SPTBN1: variants seen among roughly 807,000 people sequenced by gnomAD.
The protein encoded by SPTBN1 is spectrin beta, non-erythrocytic 1, also known as spectrin beta chain, non-erythrocytic 1.
Under a neutral mutation model 266.4 loss-of-function variants are expected in SPTBN1, and 32 were observed. The observed-to-expected ratio is 0.12, with a 90% confidence interval of 0.09 to 0.16. The LOEUF (loss-of-function observed/expected upper bound fraction) is 0.16. Ranked by LOEUF, SPTBN1 falls within the 10% of genes least tolerant of loss-of-function variation. SPTBN1 has a pLI of 1.00. For synonymous variants in SPTBN1, 1,336 were observed against 1,162.2 expected (o/e 1.15, Z -3.04); for missense variants, 2,296 against 3,067.1 (o/e 0.75, Z 5.94).
rs775406676 is a variant in SPTBN1 at position 54,629,333 on chromosome 2, G to C, written c.2199G>C (p.Ser733=). ...AGTGGGCCAACCTAGAGCAGCTCTCGGCCATTCGGAAGAAGCGCCTGGAGG... is the reference window on the plus strand; with the variant it reads ...AGTGGGCCAACCTAGAGCAGCTCTCCGCCATTCGGAAGAAGCGCCTGGAGG... ...REQWANLEQL[S]AIRKKRLEEA... Residue 733 remains serine (S), a synonymous_variant, in exon 14 of 36, where the codon TCG becomes TCC. Coordinates refer to ENST00000356805, the MANE Select transcript of SPTBN1 (RefSeq NM_003128.3). 2 of 1,614,002 alleles carry C rather than the reference G, an allele frequency of 1.2e-6. No homozygotes were observed. Among genetic ancestry groups the C allele is most frequent in the Admixed American group, 1.7e-5 (1 of 60,028 alleles).
chr2:54,638,786 G>A (rs1199455970), intron 18 of SPTBN1, among the ~76,000 whole-genome samples: 4 of 151,714 alleles, frequency 2.6e-5, no homozygotes, highest in Admixed American at 2.0e-4. Context: ...GGGGCTAAGA[G>A]TATGGGGGTA....
In SPTBN1 at chr2:54,581,953, C is replaced by G. The variant is rs78655217; in HGVS notation, c.149-17139C>G. Among the ~76,000 whole-genome samples the G allele has an allele frequency of 7.7e-3, 1,171 of 152,254 alleles. 10 individuals are homozygous for G. The highest frequency in any genetic ancestry group is 0.06 in the South Asian group (287 of 4,806). ...CAACAGGCACTTCATTCTTCTGTAGCTGCAGACATGCTGCTCTGTGGTTTG... is the reference window on the plus strand; with the variant it reads ...CAACAGGCACTTCATTCTTCTGTAGGTGCAGACATGCTGCTCTGTGGTTTG... On this transcript the variant is annotated intron_variant, in intron 2 of 35. Transcript: ENST00000356805.
chr2:54,666,829 C>A (rs1681403069), intron 34 of SPTBN1, among the ~76,000 whole-genome samples: 1 of 152,248 alleles, frequency 6.6e-6, no homozygotes. Flanking sequence ...AGGCCCAGGG[C>A]TCCAGAGGAG....
intron 1 of SPTBN1, among the ~76,000 whole-genome samples, chr2:54,492,608 TGGG>T (rs1430997317): frequency 6.6e-6 from 1 of 152,170 alleles, no homozygotes; most frequent in Non-Finnish European, 1.5e-5. Context: ...ACATTTTATA[TGGG>T]GTTTGGTTTT....
intron 2 of SPTBN1, among the ~76,000 whole-genome samples, chr2:54,552,721 C>T (rs539708937): frequency 6.6e-6 from 1 of 152,202 alleles, no homozygotes; most frequent in African/African-American, 2.4e-5. Context: ...TCCCAAAGTG[C>T]TGGGATTACA....
intron 1 of SPTBN1, among the ~76,000 whole-genome samples, chr2:54,491,016 G>A (rs1262211418): frequency 6.6e-6 from 1 of 152,194 alleles, no homozygotes; most frequent in Non-Finnish European, 1.5e-5. Flanking sequence ...AGTCAAGCTT[G>A]TGTGTTCTTC....
chr2:54,632,823 C>A, intron 17 of SPTBN1, 55 bp downstream of exon 17: 1 of 1,584,650 alleles, frequency 6.3e-7, no homozygotes, highest in South Asian at 1.1e-5. Context: ...TCTCAAACTT[C>A]TGAATCATTG....
chr2:54,551,984 G>A (rs1334518322), intron 2 of SPTBN1, among the ~76,000 whole-genome samples: 1 of 152,152 alleles, frequency 6.6e-6, no homozygotes, highest in African/African-American at 2.4e-5. Context: ...TATAAAATGT[G>A]ATTCTGAGTA....
chr2:54,471,801 T>A (rs1208121628), intron 1 of SPTBN1, among the ~76,000 whole-genome samples: 1 of 3,620 alleles, frequency 2.8e-4, no homozygotes, highest in Non-Finnish European at 5.8e-4. Context: ...TTTTTATCGA[T>A]TTTTTTTTTT....
At chr2:54,609,845 A>G (rs1447445710) in intron 3 of SPTBN1, among the ~76,000 whole-genome samples, 2 of 152,008 alleles carry the variant, frequency 1.3e-5, no homozygotes, top group African/African-American at 2.4e-5. Context: ...TTTTTGTACA[A>G]CCAGAAGACT....
chr2:54,595,324 A>G (rs944493169), intron 2 of SPTBN1, among the ~76,000 whole-genome samples: 1 of 152,084 alleles, frequency 6.6e-6, no homozygotes, highest in African/African-American at 2.4e-5. Context: ...GGGCAAATAT[A>G]GCTGAGAGAT....
At chr2:54,539,690 C>T (rs961060987) in intron 2 of SPTBN1, among the ~76,000 whole-genome samples, 6 of 152,264 alleles carry the variant, frequency 3.9e-5, no homozygotes, top group Middle Eastern at 3.4e-3. Context: ...CAGGCACACA[C>T]CACCATGCCC....
At chr2:54,595,426 G>A (rs1452487258) in intron 2 of SPTBN1, among the ~76,000 whole-genome samples, 3 of 152,212 alleles carry the variant, frequency 2.0e-5, no homozygotes, top group East Asian at 1.9e-4. Context: ...CTACTGAAAG[G>A]TTTAGCTGCG....
At chr2:54,519,835 G>A (rs1367338635) in intron 1 of SPTBN1, among the ~76,000 whole-genome samples, 2 of 152,138 alleles carry the variant, frequency 1.3e-5, no homozygotes, top group Non-Finnish European at 2.9e-5. Context: ...TTTTCAGGAG[G>A]TACGAGTTAC....
In SPTBN1 at chr2:54,646,546, G is replaced by T; in HGVS notation, c.4866+71G>T. ...TCAAACCCTGGGCACACTTTCTGCT[G>T]GCGGCTCTGTCTGTATAAAAACTTC... is the stretch of plus-strand genomic sequence containing the variant. On this transcript the variant is annotated intron_variant, in intron 23 of 35. Transcript: ENST00000356805. The surrounding 1 kb of genome is among the most constrained non-coding windows in gnomAD (Gnocchi z 4.4). 3 of 1,421,950 alleles carry T rather than the reference G, an allele frequency of 2.1e-6. No homozygotes were observed. The highest frequency in any genetic ancestry group is 3.4e-5 in the South Asian group (2 of 59,674). 88.1% of individuals were successfully genotyped at this position (1,421,950 alleles called of 1,614,324 possible). A position where few individuals can be genotyped will look rare whatever the true frequency, so the allele number is the denominator to read the frequency against.
rs1281248920 is a variant in SPTBN1, at chr2:54,624,856, A to G, written c.1235A>G (p.Asn412Ser). ...AEHERELALR[N>S]ELIRQEKLEQ... ...CACGAAAGAGAACTGGCTTTGCGGA[A>G]TGAGCTCATAAGACAGGAGAAACTG... Residue 412 changes from asparagine (N) to serine (S), a missense_variant, in exon 11 of 36, where the codon AAT (asparagine) becomes AGT (serine). Around this residue, in one of 12 missense-constraint regions of SPTBN1, gnomAD observed 148 missense variants for 203.8 expected, o/e 0.73. Transcript: ENST00000356805. 6.2e-7 allele frequency: 1 copy of G among 1,614,036 alleles called. No homozygotes were observed. The highest frequency in any genetic ancestry group is 8.5e-7 in the Non-Finnish European group (1 of 1,179,946).
intron 1 of SPTBN1, chr2:54,516,251 T>C (rs1049920810): frequency 2.6e-5 from 4 of 152,130 alleles, no homozygotes; most frequent in Admixed American, 1.3e-4. Flanking sequence ...TTTATTCACC[T>C]GTAAAATAGG....
intron 1 of SPTBN1, among the ~76,000 whole-genome samples, chr2:54,476,361 A>G (rs1007728887): frequency 2.6e-5 from 4 of 152,240 alleles, no homozygotes; most frequent in Non-Finnish European, 4.4e-5. Context: ...CTAAACATAG[A>G]TAACAGAGTA....
rs142254768 is a variant in SPTBN1, at chr2:54,649,081, A to G, written c.5093A>G (p.His1698Arg). Reference protein sequence around the residue: ...EERRGKLDERHRLFQLNREVD... With the variant: ...EERRGKLDERRRLFQLNREVD... Reference sequence around the variant, plus strand: ...AGAAGAGGCAAGCTGGATGAGAGACACAGGTTATTCCAGCTCAACCGGGAG... The same window carrying G: ...AGAAGAGGCAAGCTGGATGAGAGACGCAGGTTATTCCAGCTCAACCGGGAG... Residue 1698 changes from histidine to arginine, a missense_variant, in exon 25 of 36, where the codon CAC becomes CGC. Physicochemically the swap from His to Arg is conservative, Grantham distance 29. This residue lies in a region of SPTBN1 where 644 missense variants were observed against 745.3 expected (regional missense o/e 0.86). Coordinates refer to ENST00000356805, the MANE Select transcript of SPTBN1 (RefSeq NM_003128.3). The surrounding 1 kb of genome is among the most constrained non-coding windows in gnomAD (Gnocchi z 6.7). The G allele has an allele frequency of 1.9e-6, 3 of 1,614,106 alleles. No individual in the cohort carries two copies. The East Asian group carries it at 6.7e-5, about 36-fold the overall frequency.
Sources: gnomAD v4.1 joint callset for allele counts (sites outside exome capture counted in the v4.1 genomes callset) on GRCh38, gnomAD v4.1.1 for gene constraint, gnomAD v4.1.1 regional missense constraint, Gnocchi (gnomAD v3.1) non-coding constraint, MANE v1.5 for transcripts, NCBI Gene and HGNC (gene_info 2026-07-23, HGNC 2026-07-21) for gene names.